NHSL1: variants seen among roughly 807,000 people sequenced by gnomAD.
NHSL1 encodes the protein NHS-like protein 1.
Under a neutral mutation model 95.0 loss-of-function variants are expected in NHSL1, and 48 were observed. The observed-to-expected ratio is 0.51, with a 90% CI of 0.40 to 0.64. The LOEUF (loss-of-function observed/expected upper bound fraction) is 0.64. Ranked by LOEUF, NHSL1 falls within the 30% of genes least tolerant of loss-of-function variation. NHSL1 has a pLI of 0.00. For missense variants in NHSL1, 1,971 were observed against 2,077.7 expected (o/e 0.95, Z 1.00); for synonymous variants, 783 against 833.9 (o/e 0.94, Z 1.05).
At chr6:138,503,865 C>T (rs764727744), upstream of NHSL1, among the ~76,000 whole-genome samples, 18 of 152,114 alleles carry the variant, frequency 1.2e-4, no homozygotes, top group Admixed American at 2.6e-4. Context: ...ACTATTTTTA[C>T]ATCTATTAGG....
At chr6:138,551,081 T>C (rs1782985083) in intron 1 of NHSL1, among the ~76,000 whole-genome samples, 1 of 152,138 alleles carries the variant, frequency 6.6e-6, no homozygotes, top group African/African-American at 2.4e-5. Flanking sequence ...TTATATTAAT[T>C]TTATTACAGC....
intron 3 of NHSL1, among the ~76,000 whole-genome samples, chr6:138,449,848 A>G (rs1180498980): frequency 6.6e-6 from 1 of 152,230 alleles, no homozygotes; most frequent in African/African-American, 2.4e-5. Flanking sequence ...CAATACATTT[A>G]CTTGATGTTC....
upstream of NHSL1, among the ~76,000 whole-genome samples, chr6:138,692,917 CAGGA>C (rs1785703494): frequency 6.6e-6 from 1 of 150,944 alleles, no homozygotes; most frequent in Admixed American, 6.6e-5. This position sits in a 1 kb window ranked among gnomAD's most constrained non-coding sequence, Gnocchi z 4.0. Context: ...GCCGGGCGGG[CAGGA>C]AGGACGGACG....
In NHSL1 at chr6:138,669,057, C is replaced by A. The variant is rs530457335; in HGVS notation, c.96+23419G>T. 2.6e-5 allele frequency among the ~76,000 whole-genome samples: 4 copies of A among 152,144 alleles called. No homozygotes were observed. In the East Asian group the frequency reaches 7.7e-4, roughly 29 times the overall value. Reference sequence around the variant, plus strand: ...TAAAACATTCCACACTTAAGCTGACCCTTAAGTTCTGGTCTGATGGCTAAA... The same window carrying A: ...TAAAACATTCCACACTTAAGCTGACACTTAAGTTCTGGTCTGATGGCTAAA... On this transcript the variant is annotated intron_variant, in intron 1 of 3. Coordinates refer to the NHSL1 transcript ENST00000491526.
chr6:138,638,420 A>G (rs879528667), intron 1 of NHSL1, among the ~76,000 whole-genome samples: 1 of 152,198 alleles, frequency 6.6e-6, no homozygotes, highest in African/African-American at 2.4e-5. Flanking sequence ...TATTATGCAT[A>G]GCATGCCTGT....
chr6:138,687,651 ATG>A (rs1785603555), intron 1 of NHSL1, among the ~76,000 whole-genome samples: 1 of 152,232 alleles, frequency 6.6e-6, no homozygotes, highest in African/African-American at 2.4e-5. Flanking sequence ...ATAAATATGA[ATG>A]ATACTTTTTC....
chr6:138,676,629 G>C (rs1480211759), intron 1 of NHSL1, among the ~76,000 whole-genome samples: 2 of 152,088 alleles, frequency 1.3e-5, no homozygotes, highest in African/African-American at 4.8e-5. Context: ...TACATGCCAT[G>C]TTCTAATGCC....
intron 3 of NHSL1, among the ~76,000 whole-genome samples, chr6:138,471,716 T>C (rs1778761837): frequency 6.6e-6 from 1 of 152,090 alleles, no homozygotes; most frequent in African/African-American, 2.4e-5. Flanking sequence ...TAATAAATTG[T>C]ATATTTCAAA....
chr6:138,470,327 T>A (rs1778668962), intron 3 of NHSL1, among the ~76,000 whole-genome samples: 1 of 152,220 alleles, frequency 6.6e-6, no homozygotes, highest in Non-Finnish European at 1.5e-5. Flanking sequence ...TCTCACCCAG[T>A]TGCCCAGGCT....
upstream of NHSL1, among the ~76,000 whole-genome samples, chr6:138,500,237 C>G (rs1197501947): frequency 6.6e-6 from 1 of 152,168 alleles, no homozygotes; most frequent in Non-Finnish European, 1.5e-5. Flanking sequence ...TCAATGTTGT[C>G]TCAAACAAAC....
intron 1 of NHSL1, among the ~76,000 whole-genome samples, chr6:138,661,024 T>C (rs901424466): frequency 1.3e-5 from 2 of 152,188 alleles, no homozygotes; most frequent in Non-Finnish European, 2.9e-5. Flanking sequence ...ATATTATGGC[T>C]TCTTTAAAGA....
rs751063589 is a variant in NHSL1, at chr6:138,430,362, C to A, written c.3952+31G>T. 5 of 1,448,556 alleles carry A rather than the reference C, an allele frequency of 3.5e-6. No homozygotes were observed. In the African/African-American group the frequency reaches 7.2e-5, roughly 21 times the overall value. 89.7% of individuals were successfully genotyped at this position (1,448,556 alleles called of 1,614,324 possible). ...TTCAGCTGCATATGGGCAGAGGGCA[C>A]AGGAGAGAGAAGCCAGGAAGCCAGA... On this transcript the variant is annotated intron_variant, in intron 6 of 7. Transcript: ENST00000343505. The surrounding 1 kb of genome is among the most constrained non-coding windows in gnomAD (Gnocchi z 4.7).
intron 1 of NHSL1, among the ~76,000 whole-genome samples, chr6:138,584,958 G>A (rs1015831628): frequency 6.6e-6 from 1 of 152,136 alleles, no homozygotes; most frequent in African/African-American, 2.4e-5. Flanking sequence ...TGTGGGTAAG[G>A]ACCACAGGGC....
chr6:138,596,607 T>C (rs1465790767), intron 1 of NHSL1, among the ~76,000 whole-genome samples: 1 of 152,184 alleles, frequency 6.6e-6, no homozygotes, highest in African/African-American at 2.4e-5. Context: ...GTGATACATT[T>C]GGCAAGGTAG....
intron 1 of NHSL1, among the ~76,000 whole-genome samples, chr6:138,519,028 G>GAATA (rs538300805): frequency 0.012 from 1,767 of 151,746 alleles, 33 homozygotes; most frequent in African/African-American, 0.039. Context: ...AAAAATAAAT[G>GAATA]AATAAATAAA....
chr6:138,515,251 A>T (rs1416910184), intron 1 of NHSL1, among the ~76,000 whole-genome samples: 1 of 152,226 alleles, frequency 6.6e-6, no homozygotes, highest in African/African-American at 2.4e-5. Context: ...TGAGGCTAAC[A>T]GGAGACCGCT....
intron 1 of NHSL1, among the ~76,000 whole-genome samples, chr6:138,688,844 G>T (rs1266507624): frequency 2.6e-5 from 4 of 152,208 alleles, no homozygotes; most frequent in Non-Finnish European, 5.9e-5. Flanking sequence ...CAGGAGCAGA[G>T]ATTGGTGGTT....
chr6:138,464,715 C>CTTTTTTTTTTTT lies in NHSL1; in HGVS notation c.339+8579_339+8590dup, dbSNP rs1157342436. Among the ~76,000 whole-genome samples the CTTTTTTTTTTTT allele has an allele frequency of 3.4e-3, 399 of 118,936 alleles. 7 individuals are homozygous for CTTTTTTTTTTTT. Among genetic ancestry groups the CTTTTTTTTTTTT allele is most frequent in the East Asian group, 9.4e-3 (38 of 4,042 alleles). 78.0% of individuals were successfully genotyped at this position (118,936 alleles called of 152,430 possible). On this transcript the variant is annotated intron_variant, in intron 3 of 7. Coordinates refer to ENST00000343505, the MANE Select transcript of NHSL1 (RefSeq NM_001144060.2). ...TTCTCTTCACTTTTTTTTTTCTTTT[C>CTTTTTTTTTTTT]TTTTTTTTTTTTTTTGAGACAGAGT...
At chr6:138,457,137 T>C (rs1020826516) in intron 3 of NHSL1, among the ~76,000 whole-genome samples, 8 of 152,260 alleles carry the variant, frequency 5.3e-5, no homozygotes, top group Non-Finnish European at 8.8e-5. Context: ...TGCCTCAGCC[T>C]CCCAAAGTGC....
Sources: gnomAD v4.1 joint callset for allele counts (sites outside exome capture counted in the v4.1 genomes callset) on GRCh38, gnomAD v4.1.1 for gene constraint, Gnocchi (gnomAD v3.1) non-coding constraint, MANE v1.5 for transcripts, NCBI Gene and HGNC (gene_info 2026-07-23, HGNC 2026-07-21) for gene names.